The following XCR1 variants were observed in gnomAD, a reference collection of about 807,000 sequenced individuals.
XCR1 encodes the protein chemokine XC receptor 1.
For missense variants in XCR1, 356 were observed against 424.2 expected (o/e 0.84, Z 1.41); for synonymous variants, 187 against 188.5 (o/e 0.99, Z 0.06).
chr3:46,055,537 C>T (rs1697835656), intron 4 of XCR1, among the ~76,000 whole-genome samples: 1 of 152,200 alleles, frequency 6.6e-6, no homozygotes, highest in East Asian at 1.9e-4. Context: ...CACTCCAAAA[C>T]CCTTAAAAAC....
intron 2 of XCR1, among the ~76,000 whole-genome samples, chr3:46,075,604 A>G (rs36057789): frequency 0.09 from 13,758 of 152,250 alleles, 1,001 homozygotes; most frequent in South Asian, 0.34. Context: ...GAATGGGAGA[A>G]AATATTTTCC....
intron 1 of XCR1, among the ~76,000 whole-genome samples, chr3:46,026,049 A>C (rs1299802997): frequency 6.6e-6 from 1 of 152,244 alleles, no homozygotes; most frequent in Non-Finnish European, 1.5e-5. Flanking sequence ...TCACCATATC[A>C]ATAGAATAAA....
At chr3:46,046,909 G>T (rs1183309159) in intron 5 of XCR1, among the ~76,000 whole-genome samples, 1 of 152,110 alleles carries the variant, frequency 6.6e-6, no homozygotes, top group African/African-American at 2.4e-5. Context: ...CTGCAAATGG[G>T]CTTTCACAAG....
chr3:46,081,539 A>AT (rs1698363037), intron 1 of XCR1, among the ~76,000 whole-genome samples: 1 of 152,228 alleles, frequency 6.6e-6, no homozygotes, highest in Admixed American at 6.5e-5. Context: ...ATCATCAAAA[A>AT]TCATGGCCTG....
chr3:46,070,176 G>C (rs1036997588), intron 3 of XCR1, among the ~76,000 whole-genome samples: 1 of 152,076 alleles, frequency 6.6e-6, no homozygotes, highest in African/African-American at 2.4e-5. Context: ...CTTTAAAAAT[G>C]CATTGAGACT....
At chr3:46,066,150 C>T (rs1698065666) in intron 4 of XCR1, among the ~76,000 whole-genome samples, 1 of 152,180 alleles carries the variant, frequency 6.6e-6, no homozygotes, top group Non-Finnish European at 1.5e-5. Context: ...CATGTAGTCT[C>T]AGACATACTC....
At chr3:46,077,150 A>C (rs1698274011) in intron 1 of XCR1, among the ~76,000 whole-genome samples, 1 of 152,122 alleles carries the variant, frequency 6.6e-6, no homozygotes, top group African/African-American at 2.4e-5. Flanking sequence ...CCTCTAGCTC[A>C]GGGGTCCTCA....
Position 46,020,846 on chromosome 3 carries a change from C to A in XCR1, c.*100G>T. 1 of 1,451,192 alleles carries A rather than the reference C, an allele frequency of 6.9e-7. No homozygotes were observed. The highest frequency in any genetic ancestry group is 9.1e-7 in the Non-Finnish European group (1 of 1,095,022). The allele number at this position is 1,451,192 out of a possible 1,614,324, so 89.9% of individuals were successfully genotyped here. A position where few individuals can be genotyped will look rare whatever the true frequency, so the allele number is the denominator to read the frequency against. ...GCCTGCAGCGGAGGAGACGTCTCCA[C>A]CCTGCTGTGTTCTGCAATGCTCCTT... is the stretch of plus-strand genomic sequence containing the variant. On this transcript the variant is annotated 3_prime_UTR_variant, in exon 2 of 2. Transcript: ENST00000309285.
At chr3:46,072,210 A>AAAC (rs1266091374) in intron 3 of XCR1, among the ~76,000 whole-genome samples, 2 of 152,266 alleles carry the variant, frequency 1.3e-5, no homozygotes, top group African/African-American at 4.8e-5. Flanking sequence ...ACTAAAATTA[A>AAAC]AACAACAACA....
intron 4 of XCR1, among the ~76,000 whole-genome samples, chr3:46,065,041 A>G (rs1698039549): frequency 6.6e-6 from 1 of 152,104 alleles, no homozygotes; most frequent in South Asian, 2.1e-4. Context: ...TGGTGAGCCA[A>G]GATCCCGCCA....
intron 5 of XCR1, among the ~76,000 whole-genome samples, chr3:46,045,508 G>C (rs527354336): frequency 1.3e-3 from 203 of 152,180 alleles, no homozygotes; most frequent in Non-Finnish European, 1.3e-3. Flanking sequence ...GAGTAAAGGA[G>C]AGAAATCATA....
rs774016526 is a variant in XCR1, at chr3:46,017,444, C to G, written c.*3502G>C. The G allele has an allele frequency of 4.6e-5, 7 of 152,208 alleles. No individual in the cohort carries two copies. Among genetic ancestry groups the G allele is most frequent in the Non-Finnish European group, 8.8e-5 (6 of 68,048 alleles). 9.4% of individuals were successfully genotyped at this position (152,208 alleles called of 1,614,324 possible). The stretch of plus-strand genomic sequence containing the variant: ...GGGCCCCAGACAAGTTCACAAGAAG[C>G]TCATGGGGTGAGTACCTGGTGTTGA... On this transcript the variant is annotated 3_prime_UTR_variant, in exon 2 of 2. Coordinates refer to ENST00000309285, the MANE Select transcript of XCR1 (RefSeq NM_001024644.2).
Position 46,019,071 on chromosome 3 carries a change from T to A in XCR1, c.*1875A>T, listed in dbSNP as rs1469335117. ...CCTTGGGTGTGAAGCAATGGGCCAG[T>A]GTGAGAGGCAGGGATGCGTACCATG... On this transcript the variant is annotated 3_prime_UTR_variant, in exon 2 of 2. Transcript: ENST00000309285. 1 of 152,186 alleles carries A rather than the reference T, an allele frequency of 6.6e-6. No homozygotes were observed. Among genetic ancestry groups the A allele is most frequent in the African/African-American group, 2.4e-5 (1 of 41,428 alleles). 9.4% of individuals were successfully genotyped at this position (152,186 alleles called of 1,614,324 possible).
chr3:46,030,440 T>A (rs1203212091), upstream of XCR1, among the ~76,000 whole-genome samples: 1 of 152,166 alleles, frequency 6.6e-6, no homozygotes, highest in Non-Finnish European at 1.5e-5. Context: ...ATACCACAGA[T>A]TTTTTTATTC....
intron 4 of XCR1, among the ~76,000 whole-genome samples, chr3:46,054,893 C>T (rs2036293): frequency 0.81 from 123,184 of 152,182 alleles, 50,286 homozygotes; most frequent in East Asian, 0.99. Flanking sequence ...TCCACAGACA[C>T]GGATGATCAG....
At chr3:46,034,704 G>A (rs966544566) in intron 5 of XCR1, among the ~76,000 whole-genome samples, 71 of 152,096 alleles carry the variant, frequency 4.7e-4, no homozygotes, top group African/African-American at 1.5e-3. Flanking sequence ...TAATATACAT[G>A]GTACCCACTA....
At chr3:46,066,686 T>C (rs1379668756) in intron 4 of XCR1, among the ~76,000 whole-genome samples, 1 of 152,090 alleles carries the variant, frequency 6.6e-6, no homozygotes, top group Non-Finnish European at 1.5e-5. Context: ...GTAACAAGTG[T>C]CTAAGCAGTC....
At position 46,056,027 on chromosome 3, in the gene XCR1, G is replaced by A. The variant is rs572306326; in HGVS notation, c.-182-1957C>T. Among the ~76,000 whole-genome samples the A allele has an allele frequency of 1.9e-4, 29 of 152,298 alleles. 1 individual carries two copies. The South Asian group carries it at 5.0e-3, about 26-fold the overall frequency. On this transcript the variant is annotated intron_variant, in intron 4 of 5. Coordinates refer to the XCR1 transcript ENST00000683768. ...GTTTCTAGGGCTTGGTTTAAGGGGAGCCACACTTGTTTCCAAGATTGGGCT... is the reference window on the plus strand; with the variant it reads ...GTTTCTAGGGCTTGGTTTAAGGGGAACCACACTTGTTTCCAAGATTGGGCT...
At chr3:46,058,411 AG>A (rs1332669385) in intron 4 of XCR1, among the ~76,000 whole-genome samples, 1 of 152,214 alleles carries the variant, frequency 6.6e-6, no homozygotes, top group East Asian at 1.9e-4. Flanking sequence ...ATGATCCAAA[AG>A]CTTCTATGTC....
Sources: allele counts gnomAD v4.1 joint callset (sites outside exome capture counted in the v4.1 genomes callset), GRCh38; gene constraint gnomAD v4.1.1; transcripts MANE v1.5; gene names NCBI Gene and HGNC (gene_info 2026-07-23, HGNC 2026-07-21).